RSRC1: variants seen among roughly 807,000 people sequenced by gnomAD.
The protein encoded by RSRC1 is serine/Arginine-related protein 53.
Under a neutral mutation model 49.1 loss-of-function variants are expected in RSRC1, and 39 were observed. That is an observed-to-expected ratio of 0.79 (90% CI 0.61 to 1.04). RSRC1 has a LOEUF of 1.04. Ranked by LOEUF, RSRC1 falls within the 50% of genes least tolerant of loss-of-function variation. The pLI is 0.00. For synonymous variants in RSRC1, 143 were observed against 130.8 expected (o/e 1.09, Z -0.63); for missense variants, 388 against 402.4 (o/e 0.96, Z 0.31).
rs184773298 is a variant in RSRC1 at position 158,307,706 on chromosome 3, A to G, written c.531+9631A>G. ...ATGTAATTTCATTTTTGCCCTTCCA[A>G]TTTTAATCTTGAAGGAGGGGAGAAC... is the stretch of plus-strand genomic sequence containing the variant. On this transcript the variant is annotated intron_variant, in intron 5 of 9. Coordinates refer to ENST00000611884, the MANE Select transcript of RSRC1 (RefSeq NM_001271838.2). Among the ~76,000 whole-genome samples, 339 of 151,950 alleles carry G rather than the reference A, an allele frequency of 2.2e-3. 1 individual carries two copies. Among genetic ancestry groups the G allele is most frequent in the African/African-American group, 7.9e-3 (326 of 41,526 alleles).
chr3:158,516,010 T>G (rs1484270469), intron 7 of RSRC1, among the ~76,000 whole-genome samples: 1 of 151,966 alleles, frequency 6.6e-6, no homozygotes, highest in East Asian at 1.9e-4. Flanking sequence ...CTAAATTTTT[T>G]TCAAAGTTTT....
chr3:158,511,857 A>G (rs1344981056), intron 7 of RSRC1, among the ~76,000 whole-genome samples: 1 of 151,832 alleles, frequency 6.6e-6, no homozygotes, highest in African/African-American at 2.4e-5. Flanking sequence ...TTTGATTTGC[A>G]TTTCTCTGAT....
At chr3:158,118,411 T>TGTGTG (rs1559906438) in intron 1 of RSRC1, among the ~76,000 whole-genome samples, 2 of 78,180 alleles carry the variant, frequency 2.6e-5, no homozygotes, top group African/African-American at 9.8e-5. Context: ...GTACCTGGCC[T>TGTGTG]TCTGTGTGTG....
chr3:158,425,869 G>A (rs978884565), intron 6 of RSRC1, among the ~76,000 whole-genome samples: 4 of 151,662 alleles, frequency 2.6e-5, no homozygotes, highest in African/African-American at 4.8e-5. Flanking sequence ...AGACAACTTC[G>A]AATGAGAAGA....
intron 5 of RSRC1, among the ~76,000 whole-genome samples, chr3:158,324,344 T>C (rs1248251296): frequency 6.6e-6 from 1 of 152,114 alleles, no homozygotes; most frequent in Non-Finnish European, 1.5e-5. Flanking sequence ...TAACTCGTCA[T>C]TTACATTAGC....
rs562812614 is a variant in RSRC1, at chr3:158,147,923, T to C, written c.320+23932T>C. On this transcript the variant is annotated intron_variant, in intron 3 of 9. Coordinates refer to ENST00000611884, the MANE Select transcript of RSRC1 (RefSeq NM_001271838.2). ...ATTTTCAATCCATTGCAGACTAATA[T>C]TTTTAAAAATGCAATAAAAATGTTA... 3.9e-5 allele frequency among the ~76,000 whole-genome samples: 6 copies of C among 152,346 alleles called. 1 individual carries two copies. The South Asian group carries it at 1.2e-3, about 32-fold the overall frequency.
At chr3:158,411,452 A>G (rs1387828274) in intron 6 of RSRC1, among the ~76,000 whole-genome samples, 3 of 152,024 alleles carry the variant, frequency 2.0e-5, no homozygotes, top group East Asian at 3.9e-4. Context: ...CCTTCTCACC[A>G]ATACTTAATA....
chr3:158,172,795 G>C (rs1345657603), intron 3 of RSRC1, among the ~76,000 whole-genome samples: 2 of 152,190 alleles, frequency 1.3e-5, no homozygotes, highest in Admixed American at 1.3e-4. Flanking sequence ...TTTTAACTCT[G>C]TGAGGTTAAA....
intron 6 of RSRC1, among the ~76,000 whole-genome samples, chr3:158,366,577 G>C (rs1731781624): frequency 6.6e-6 from 1 of 152,140 alleles, no homozygotes; most frequent in African/African-American, 2.4e-5. Context: ...AAGTCAGGTA[G>C]CATGATACCT....
At chr3:158,457,595 C>T (rs897682443) in intron 6 of RSRC1, among the ~76,000 whole-genome samples, 6 of 152,062 alleles carry the variant, frequency 3.9e-5, no homozygotes, top group South Asian at 2.1e-4. Flanking sequence ...AAGAATAGAA[C>T]GCCAAGAAGG....
chr3:158,146,501 C>T (rs573901403), intron 3 of RSRC1, among the ~76,000 whole-genome samples: 94 of 152,226 alleles, frequency 6.2e-4, no homozygotes, highest in African/African-American at 2.2e-3. Flanking sequence ...GGTGGATAAG[C>T]TTTTTGATGT....
chr3:158,355,176 T>C (rs961947149), intron 6 of RSRC1, among the ~76,000 whole-genome samples: 1 of 151,918 alleles, frequency 6.6e-6, no homozygotes, highest in Non-Finnish European at 1.5e-5. Context: ...TGAAGCCCAA[T>C]TGATTAATTT....
intron 7 of RSRC1, among the ~76,000 whole-genome samples, chr3:158,501,402 C>T (rs757030419): frequency 2.6e-5 from 4 of 152,084 alleles, no homozygotes; most frequent in Non-Finnish European, 5.9e-5. Flanking sequence ...AGTTTAAATC[C>T]AGTTTCTTTG....
chr3:158,226,676 G>A (rs951830819), intron 4 of RSRC1, among the ~76,000 whole-genome samples: 2 of 151,894 alleles, frequency 1.3e-5, no homozygotes, highest in Non-Finnish European at 2.9e-5. Flanking sequence ...TGTTAGGGGT[G>A]TGCAGTTCTG....
At chr3:158,498,439 A>G (rs1295914393) in intron 7 of RSRC1, among the ~76,000 whole-genome samples, 1 of 151,650 alleles carries the variant, frequency 6.6e-6, no homozygotes, top group Non-Finnish European at 1.5e-5. Flanking sequence ...TTTCTTACTG[A>G]TTTGAGTTCT....
At chr3:158,501,447 T>G (rs573125443) in intron 7 of RSRC1, among the ~76,000 whole-genome samples, 60 of 152,348 alleles carry the variant, frequency 3.9e-4, no homozygotes, top group African/African-American at 1.4e-3. Context: ...TCTAATGCTG[T>G]CAGTGGAGTA....
intron 4 of RSRC1, among the ~76,000 whole-genome samples, chr3:158,239,434 T>C (rs1723438080): frequency 6.6e-6 from 1 of 152,098 alleles, no homozygotes; most frequent in African/African-American, 2.4e-5. Context: ...CTATTCACAA[T>C]AGCAAAGACT....
intron 6 of RSRC1, among the ~76,000 whole-genome samples, chr3:158,395,591 GGT>G (rs1401848630): frequency 6.6e-6 from 1 of 151,998 alleles, no homozygotes; most frequent in East Asian, 1.9e-4. Context: ...CAACTTCACT[GGT>G]TGCTAGAGAT....
intron 6 of RSRC1, among the ~76,000 whole-genome samples, chr3:158,435,229 A>C (rs1348557858): frequency 1.3e-5 from 2 of 151,692 alleles, no homozygotes; most frequent in East Asian, 3.9e-4. Flanking sequence ...ATTTTTTTTA[A>C]TTAATACTAC....
Sources: gnomAD v4.1 joint callset for allele counts (sites outside exome capture counted in the v4.1 genomes callset) on GRCh38, gnomAD v4.1.1 for gene constraint, MANE v1.5 for transcripts, NCBI Gene and HGNC (gene_info 2026-07-23, HGNC 2026-07-21) for gene names.